The following ISM1 variants were observed in gnomAD, a reference collection of about 807,000 sequenced individuals.
The protein encoded by ISM1 is isthmin-1.
ISM1 carries 25 observed loss-of-function variants against 46.3 expected under a neutral mutation model. The ratio of observed to expected loss-of-function variants is 0.54; its 90% CI spans 0.39 to 0.75. ISM1 has a LOEUF of 0.75. Among genes scored for constraint, ISM1 ranks in the 30% least tolerant of loss-of-function variants. ISM1 has a pLI of 0.00. For synonymous variants in ISM1, 255 were observed against 256.7 expected (o/e 0.99, Z 0.06); for missense variants, 536 against 625.4 (o/e 0.86, Z 1.52).
At chr20:13,288,755 A>C in intron 4 of ISM1, 72 bp downstream of exon 4, 1 of 1,442,946 alleles carries the variant, frequency 6.9e-7, no homozygotes, top group Non-Finnish European at 9.5e-7. Flanking sequence ...AAACTTAGTG[A>C]CATTGTCTTT....
At chr20:13,296,725 G>A (rs1051674695) in intron 5 of ISM1, among the ~76,000 whole-genome samples, 1 of 152,180 alleles carries the variant, frequency 6.6e-6, no homozygotes, top group Non-Finnish European at 1.5e-5. Context: ...GTTTGGTTAA[G>A]ATGCATTTTG....
At chr20:13,321,543 C>T in the ISM1 span, among the ~76,000 whole-genome samples, 1 of 152,178 alleles carries the variant, frequency 6.6e-6, no homozygotes, top group Non-Finnish European at 1.5e-5. Context: ...ATAATCCTTC[C>T]TCTGTCTGCC....
At chr20:13,309,968 G>A in the ISM1 span, among the ~76,000 whole-genome samples, 12 of 152,196 alleles carry the variant, frequency 7.9e-5, no homozygotes, top group African/African-American at 2.9e-4. Context: ...AAAATACTCT[G>A]TGTTTACGGA....
chr20:13,276,767 A>G (rs180683373), intron 2 of ISM1, among the ~76,000 whole-genome samples: 1 of 152,334 alleles, frequency 6.6e-6, no homozygotes, highest in East Asian at 1.9e-4. Flanking sequence ...AAGCATGTAA[A>G]TAGAATGAGA....
At chr20:13,283,564 T>A (rs1368508722) in intron 3 of ISM1, among the ~76,000 whole-genome samples, 2 of 152,184 alleles carry the variant, frequency 1.3e-5, no homozygotes, top group Non-Finnish European at 2.9e-5. Context: ...ACCCCACTTG[T>A]GATGATGAAA....
chr20:13,293,129 G>A (rs1187401202), intron 5 of ISM1, among the ~76,000 whole-genome samples: 1 of 151,824 alleles, frequency 6.6e-6, no homozygotes, highest in Non-Finnish European at 1.5e-5. Context: ...GAACCCAGGA[G>A]GCGGAGGTTG....
At chr20:13,251,073 CT>C (rs1303136930) in intron 1 of ISM1, among the ~76,000 whole-genome samples, 3 of 152,170 alleles carry the variant, frequency 2.0e-5, no homozygotes, top group African/African-American at 7.2e-5. Context: ...CTTAGCTGTT[CT>C]GCTCCTTGGA....
At chr20:13,312,160 T>C in the ISM1 span, among the ~76,000 whole-genome samples, 1 of 152,228 alleles carries the variant, frequency 6.6e-6, no homozygotes, top group Non-Finnish European at 1.5e-5. Flanking sequence ...CGTTATCTTC[T>C]GTATATGTGA....
At chr20:13,258,929 G>C (rs978294333) in intron 1 of ISM1, among the ~76,000 whole-genome samples, 3 of 152,042 alleles carry the variant, frequency 2.0e-5, no homozygotes, top group Non-Finnish European at 4.4e-5. Context: ...TCTTAAAGAA[G>C]GTGAGAGAGC....
the ISM1 span, among the ~76,000 whole-genome samples, chr20:13,326,601 T>G: frequency 8.5e-5 from 13 of 152,304 alleles, no homozygotes; most frequent in African/African-American, 3.1e-4. Flanking sequence ...TTGATTTCCT[T>G]AGCGTTTCAT....
At chr20:13,301,237 G>A (rs1177969371), downstream of ISM1, among the ~76,000 whole-genome samples, 1 of 152,068 alleles carries the variant, frequency 6.6e-6, no homozygotes, top group African/African-American at 2.4e-5. Context: ...CCCCCAAGCT[G>A]GAGTGCAGTG....
chr20:13,254,464 C>T (rs2039904195), intron 1 of ISM1, among the ~76,000 whole-genome samples: 1 of 152,150 alleles, frequency 6.6e-6, no homozygotes, highest in Admixed American at 6.5e-5. Flanking sequence ...ACCTGCCCCC[C>T]GCATCTCCTG....
chr20:13,325,270 A>G, the ISM1 span, among the ~76,000 whole-genome samples: 3 of 152,344 alleles, frequency 2.0e-5, no homozygotes, highest in Admixed American at 2.0e-4. Flanking sequence ...TAGAGGTCTC[A>G]GGTCTCTTCT....
At chr20:13,301,214 A>G (rs1470608995), downstream of ISM1, among the ~76,000 whole-genome samples, 1 of 151,866 alleles carries the variant, frequency 6.6e-6, no homozygotes, top group African/African-American at 2.4e-5. Context: ...TTTTTGAGAC[A>G]GTCTCACTCT....
chr20:13,273,503 G>A (rs987339878), intron 2 of ISM1, among the ~76,000 whole-genome samples: 3 of 152,054 alleles, frequency 2.0e-5, no homozygotes, highest in East Asian at 3.9e-4. Flanking sequence ...CTCAAAATGC[G>A]GGGATTATAG....
chr20:13,291,550 T>C (rs1241298272), intron 4 of ISM1, among the ~76,000 whole-genome samples: 1 of 152,130 alleles, frequency 6.6e-6, no homozygotes, highest in Non-Finnish European at 1.5e-5. Context: ...AGTGCCTCAC[T>C]CCCTCCTCCT....
the ISM1 span, among the ~76,000 whole-genome samples, chr20:13,311,206 T>G: frequency 9.6e-6 from 1 of 103,772 alleles, no homozygotes. Context: ...AAAAAATAGA[T>G]ATAGATAGAT....
intron 1 of ISM1, among the ~76,000 whole-genome samples, chr20:13,266,730 G>A (rs2123237694): frequency 6.6e-6 from 1 of 152,282 alleles, no homozygotes; most frequent in South Asian, 2.1e-4. Context: ...TAAATTCCCA[G>A]ACTTTCCTAA....
intron 1 of ISM1, among the ~76,000 whole-genome samples, chr20:13,263,700 G>A (rs1232396476): frequency 6.6e-6 from 1 of 152,210 alleles, no homozygotes; most frequent in African/African-American, 2.4e-5. Flanking sequence ...GTTTGAATGT[G>A]GAAGGCGCAC....
Sources: allele counts gnomAD v4.1 joint callset (sites outside exome capture counted in the v4.1 genomes callset), GRCh38; gene constraint gnomAD v4.1.1; transcripts MANE v1.5; gene names NCBI Gene and HGNC (gene_info 2026-07-23, HGNC 2026-07-21).